UBXN6: variants seen among roughly 807,000 people sequenced by gnomAD.
UBXN6 encodes UBX domain-containing protein 6.
In UBXN6, 44 loss-of-function variants were observed where a neutral mutation model predicts 51.4. The ratio of observed to expected loss-of-function variants is 0.86; its 90% CI spans 0.67 to 1.10. The LOEUF (loss-of-function observed/expected upper bound fraction) is 1.10, where lower values mean the gene tolerates loss of function less well. Ranked by LOEUF, UBXN6 falls within the 50% of genes least tolerant of loss-of-function variation. The probability of loss-of-function intolerance (pLI) is 0.00; values close to 1 mark genes in which losing one functional copy is unlikely to be tolerated. For missense variants in UBXN6, 672 were observed against 596.1 expected (o/e 1.13, Z -1.32); for synonymous variants, 316 against 263.2 (o/e 1.20, Z -1.94).
At chr19:4,453,823 C>T in intron 2 of UBXN6, 107 bp downstream of exon 2, 2 of 1,488,830 alleles carry the variant, frequency 1.3e-6, no homozygotes, top group South Asian at 1.3e-5. Context: ...CAAGGGTGAC[C>T]CTCACACCCC....
chr19:4,445,471 A>G lies in UBXN6; in HGVS notation c.*27T>C. 6.2e-7 allele frequency: 1 copy of G among 1,613,230 alleles called. No individual in the cohort carries two copies. The highest frequency in any genetic ancestry group is 8.5e-7 in the Non-Finnish European group (1 of 1,179,698). On this transcript the variant is annotated 3_prime_UTR_variant, in exon 11 of 11. Coordinates refer to ENST00000301281, the MANE Select transcript of UBXN6 (RefSeq NM_025241.3). The stretch of plus-strand genomic sequence containing the variant: ...CAGGGAGAGCATGAGACAGACCCAC[A>G]GGGCTGAGGCCAACCCTGCTTTTAT...
At position 4,446,185 on chromosome 19, in the gene UBXN6, G is replaced by C. The variant is rs1974512734; in HGVS notation, c.1064C>G (p.Ala355Gly). 6.2e-7 allele frequency: 1 copy of C among 1,605,756 alleles called. No homozygotes were observed. The highest frequency in any genetic ancestry group is 1.3e-5 in the African/African-American group (1 of 74,806). Residue 355 changes from alanine to glycine, a missense_variant, in exon 10 of 11, where the codon GCT becomes GGT. Coordinates refer to ENST00000301281, the MANE Select transcript of UBXN6 (RefSeq NM_025241.3). Reference protein sequence around the residue: ...DGCLLQGTFYARERLGAVYGF... With the variant: ...DGCLLQGTFYGRERLGAVYGF... Reference sequence around the variant, plus strand: ...GTACACCGCCCCCAGCCGCTCCCGAGCGTAGAAAGTGCCTGGGGAGTGGGG... The same window carrying C: ...GTACACCGCCCCCAGCCGCTCCCGACCGTAGAAAGTGCCTGGGGAGTGGGG...
At chr19:4,454,394 T>C (rs576740311) in intron 1 of UBXN6, among the ~76,000 whole-genome samples, 1 of 152,294 alleles carries the variant, frequency 6.6e-6, no homozygotes, top group South Asian at 2.1e-4. Flanking sequence ...ACAGCACCCC[T>C]CCTGAGGTGA....
At chr19:4,453,809 CT>C in intron 2 of UBXN6, 120 bp downstream of exon 2, 1 of 1,435,592 alleles carries the variant, frequency 7.0e-7, no homozygotes, top group Non-Finnish European at 9.4e-7. Flanking sequence ...TGATGAGCCG[CT>C]CCCAAGGGTG....
In UBXN6 at chr19:4,446,650, T is replaced by A; in HGVS notation, c.770A>T (p.Lys257Met). ...GGGCTCCGCAGCCAGCAGCTGTTCC[T>A]TGTGCCTCTCCAGGCTCTGGGGCTG... is the stretch of plus-strand genomic sequence containing the variant. ...LAQPQSLERH[K>M]EQLLAAEPVR... is the part of the protein sequence containing the mutation. The change falls in exon 8 of 11, where the codon AAG becomes ATG. Residue 257 changes from lysine to methionine, a missense_variant. Physicochemically the swap from Lys to Met is moderately conservative, Grantham distance 95. Coordinates refer to ENST00000301281, the MANE Select transcript of UBXN6 (RefSeq NM_025241.3). 6.2e-7 allele frequency: 1 copy of A among 1,612,428 alleles called. No individual in the cohort carries two copies. Among genetic ancestry groups the A allele is most frequent in the Non-Finnish European group, 8.5e-7 (1 of 1,179,502 alleles).
rs748332018 is a variant in UBXN6, at chr19:4,446,316, G to A, written c.1018C>T (p.Arg340Cys). 7 of 1,572,980 alleles carry A rather than the reference G, an allele frequency of 4.5e-6. No homozygotes were observed. The highest frequency in any genetic ancestry group is 3.4e-5 in the South Asian group (3 of 87,396). The change falls in exon 9 of 11, where the codon CGC (arginine) becomes TGC (cysteine). Residue 340 changes from arginine to cysteine, a missense_variant. Physicochemically the swap from Arg to Cys is radical, Grantham distance 180. Transcript: ENST00000301281. The stretch of plus-strand genomic sequence containing the variant: ...AGGCAGCCATCGGGGAGGCGCACGC[G>A]CAGCAGCGTGTAGTTGTACTTGCGC... ...GLRKYNYTLL[R>C]VRLPDGCLLQ...
chr19:4,451,499 C>G (rs1424381730), intron 4 of UBXN6, among the ~76,000 whole-genome samples: 1 of 152,092 alleles, frequency 6.6e-6, no homozygotes, highest in Non-Finnish European at 1.5e-5. Flanking sequence ...ACTGCAGGTG[C>G]ACGCCACCAT....
intron 3 of UBXN6, among the ~76,000 whole-genome samples, chr19:4,452,989 G>A (rs780077096): frequency 6.6e-6 from 1 of 152,204 alleles, no homozygotes; most frequent in Non-Finnish European, 1.5e-5. Context: ...CCTCCTAGAG[G>A]AAGGCCTCCC....
At position 4,446,184 on chromosome 19, in the gene UBXN6, A is replaced by C. The variant is rs1308590880; in HGVS notation, c.1065T>G (p.Ala355=). 6.2e-7 allele frequency: 1 copy of C among 1,605,690 alleles called. No individual in the cohort carries two copies. Among genetic ancestry groups the C allele is most frequent in the Admixed American group, 1.7e-5 (1 of 59,374 alleles). The change falls in exon 10 of 11, where the codon GCT becomes GCG. Residue 355 remains alanine, a synonymous_variant. Coordinates refer to ENST00000301281, the MANE Select transcript of UBXN6 (RefSeq NM_025241.3). The stretch of plus-strand genomic sequence containing the variant: ...CGTACACCGCCCCCAGCCGCTCCCG[A>C]GCGTAGAAAGTGCCTGGGGAGTGGG... The part of the protein sequence containing the change: ...DGCLLQGTFY[A]RERLGAVYGF...
At chr19:4,447,427 T>C in intron 6 of UBXN6, 123 bp downstream of exon 6, 1 of 1,053,936 alleles carries the variant, frequency 9.5e-7, no homozygotes, top group Admixed American at 1.8e-5. Context: ...CTTCACTGCT[T>C]GTGGCTCAAC....
At chr19:4,456,431 ACTCC>A (rs1163919904) in intron 1 of UBXN6, among the ~76,000 whole-genome samples, 1 of 72,374 alleles carries the variant, frequency 1.4e-5, no homozygotes, top group Non-Finnish European at 2.8e-5. Flanking sequence ...CCCAGCCCCC[ACTCC>A]CTCACAATCC....
At position 4,445,229 on chromosome 19, in the gene UBXN6, C is replaced by G; in HGVS notation, c.*269G>C. ...GTGTGTCTGTCCGGCAGCTTCATGACACAGTTACCAAGCAGCTAGGGAGGG... is the reference window on the plus strand; with the variant it reads ...GTGTGTCTGTCCGGCAGCTTCATGAGACAGTTACCAAGCAGCTAGGGAGGG... On this transcript the variant is annotated 3_prime_UTR_variant, in exon 11 of 11. Coordinates refer to ENST00000301281, the MANE Select transcript of UBXN6 (RefSeq NM_025241.3). 2.2e-6 allele frequency: 1 copy of G among 449,362 alleles called. No individual in the cohort carries two copies. The highest frequency in any genetic ancestry group is 4.1e-6 in the Non-Finnish European group (1 of 246,632). 27.8% of individuals were successfully genotyped at this position (449,362 alleles called of 1,614,324 possible).
At chr19:4,455,213 GAA>G in intron 1 of UBXN6, 9 of 985,530 alleles carry the variant, frequency 9.1e-6, no homozygotes, top group Non-Finnish European at 1.1e-5. Context: ...CCCCTCCCAT[GAA>G]CTTACGGGCT....
intron 2 of UBXN6, 31 bp downstream of exon 2, chr19:4,453,899 C>T: frequency 6.3e-7 from 1 of 1,599,590 alleles, no homozygotes; most frequent in Non-Finnish European, 8.5e-7. Context: ...CAAACAGCCC[C>T]AACCTGGGCC....
chr19:4,447,892 G>T, intron 5 of UBXN6: 1 of 527,054 alleles, frequency 1.9e-6, no homozygotes, highest in Non-Finnish European at 3.5e-6. Context: ...TAACCACAGC[G>T]GTGGGGAAGC....
intron 2 of UBXN6, 130 bp downstream of exon 2, chr19:4,453,800 G>T: frequency 1.5e-6 from 2 of 1,375,274 alleles, no homozygotes; most frequent in East Asian, 2.3e-5. Flanking sequence ...ACCTGCCCTT[G>T]ATGAGCCGCT....
rs183725976 is a variant in UBXN6, at chr19:4,446,187, G to A, written c.1062C>T (p.Tyr354=). 88 of 1,604,522 alleles carry A rather than the reference G, an allele frequency of 5.5e-5. No individual in the cohort carries two copies. The highest frequency in any genetic ancestry group is 5.1e-4 in the African/African-American group (38 of 74,904). Residue 354 remains tyrosine (Y), a synonymous_variant, in exon 10 of 11, where the codon TAC becomes TAT. Coordinates refer to ENST00000301281, the MANE Select transcript of UBXN6 (RefSeq NM_025241.3). Reference sequence around the variant, plus strand: ...ACACCGCCCCCAGCCGCTCCCGAGCGTAGAAAGTGCCTGGGGAGTGGGGGA... The same window carrying A: ...ACACCGCCCCCAGCCGCTCCCGAGCATAGAAAGTGCCTGGGGAGTGGGGGA... ...PDGCLLQGTF[Y]ARERLGAVYG...
Position 4,446,517 on chromosome 19 carries a change from C to T in UBXN6, c.903G>A (p.Lys301=). The change falls in exon 8 of 11, where the codon AAG becomes AAA. Residue 301 remains lysine (K), a synonymous_variant. Coordinates refer to ENST00000301281, the MANE Select transcript of UBXN6 (RefSeq NM_025241.3). ...DFFNLTAEEI[K]REQRLRSEAV... The stretch of plus-strand genomic sequence containing the variant: ...AGGCCCACCTGAGCCTCTGCTCCCG[C>T]TTGATCTCCTCTGCTGTGAGGTTGA... 1 of 1,610,620 alleles carries T rather than the reference C, an allele frequency of 6.2e-7. No individual in the cohort carries two copies.
rs1974508860 is a variant in UBXN6, at chr19:4,446,118, A to G, written c.1131T>C (p.Phe377=). ...REALQSDWLP[F]ELLASGGQKL... The stretch of plus-strand genomic sequence containing the variant: ...TCTGCCCTCCCGAGGCCAGCAGCTC[A>G]AAAGGCAGCCAGTCGCTCTGCAGGG... The change falls in exon 10 of 11, where the codon TTT becomes TTC. Residue 377 remains phenylalanine, a synonymous_variant. Transcript: ENST00000301281. The G allele has an allele frequency of 6.2e-7, 1 of 1,612,518 alleles. No homozygotes were observed. Among genetic ancestry groups the G allele is most frequent in the Non-Finnish European group, 8.5e-7 (1 of 1,179,868 alleles).
Sources: gnomAD v4.1 joint callset for allele counts (sites outside exome capture counted in the v4.1 genomes callset) on GRCh38, gnomAD v4.1.1 for gene constraint, MANE v1.5 for transcripts, NCBI Gene and HGNC (gene_info 2026-07-23, HGNC 2026-07-21) for gene names.